Variants in PPM1E observed in about 807,000 individuals in gnomAD.
PPM1E encodes the protein protein phosphatase, Mg2+/Mn2+ dependent 1E.
PPM1E carries 20 observed loss-of-function variants against 65.9 expected under a neutral mutation model. The ratio of observed to expected loss-of-function variants is 0.30; its 90% CI spans 0.21 to 0.44. PPM1E has a LOEUF of 0.44. Ranked by LOEUF, PPM1E falls within the 20% of genes least tolerant of loss-of-function variation. The pLI is 1.00. For synonymous variants in PPM1E, 352 were observed against 374.9 expected, an observed-to-expected ratio of 0.94 and a Z score of 0.70; for missense variants, 713 against 953.1, an observed-to-expected ratio of 0.75 and a Z score of 3.32.
chr17:58,796,406 G>A (rs775173181), intron 1 of PPM1E, among the ~76,000 whole-genome samples: 3 of 152,000 alleles, frequency 2.0e-5, no homozygotes, highest in South Asian at 2.1e-4. Flanking sequence ...CAGTAGCTGC[G>A]ACTACAGGCA....
At chr17:58,811,818 G>A (rs980956998) in intron 1 of PPM1E, among the ~76,000 whole-genome samples, 1 of 151,938 alleles carries the variant, frequency 6.6e-6, no homozygotes, top group Non-Finnish European at 1.5e-5. Context: ...CTATAGGCGT[G>A]TGCCACCATG....
At chr17:58,901,882 A>G (rs1365380632) in intron 1 of PPM1E, among the ~76,000 whole-genome samples, 1 of 151,554 alleles carries the variant, frequency 6.6e-6, no homozygotes, top group African/African-American at 2.4e-5. Context: ...AGGCTGAGGC[A>G]TGAGAATTGC....
Position 58,955,659 on chromosome 17 carries a change from T to C in PPM1E, c.475T>C (p.Ser159Pro), listed in dbSNP as rs2029870407. Residue 159 changes from serine to proline, a missense_variant, in exon 2 of 7, where the codon TCC (serine) becomes CCC (proline). By Grantham distance (74) the Ser-to-Pro change is moderately conservative. Around this residue, in one of 6 missense-constraint regions of PPM1E, gnomAD observed 84 missense variants for 113.9 expected, o/e 0.74. Coordinates refer to ENST00000308249, the MANE Select transcript of PPM1E (RefSeq NM_014906.5). ...LQQLYKYNCPSFLAAALARAT... is the reference protein window; with the variant it reads ...LQQLYKYNCPPFLAAALARAT... ...TCTTTTTTCTTGCAGTAATTGCCCTTCCTTTTTGGCTGCTGCTTTAGCCAG... is the reference window on the plus strand; with the variant it reads ...TCTTTTTTCTTGCAGTAATTGCCCTCCCTTTTTGGCTGCTGCTTTAGCCAG... 2 of 1,613,496 alleles carry C rather than the reference T, an allele frequency of 1.2e-6. No individual in the cohort carries two copies. The highest frequency in any genetic ancestry group is 4.5e-5 in the East Asian group (2 of 44,866).
chr17:58,936,720 TAAC>T (rs984436784), intron 1 of PPM1E, among the ~76,000 whole-genome samples: 1 of 152,184 alleles, frequency 6.6e-6, no homozygotes, highest in African/African-American at 2.4e-5. Context: ...TGGAATATAC[TAAC>T]AAGTCAATAC....
At chr17:58,870,400 T>G (rs951263206) in intron 1 of PPM1E, among the ~76,000 whole-genome samples, 3 of 152,168 alleles carry the variant, frequency 2.0e-5, no homozygotes, top group Non-Finnish European at 4.4e-5. Flanking sequence ...GGGTATATTG[T>G]GTGATGCTGA....
At chr17:58,808,097 A>G (rs1036250752) in intron 1 of PPM1E, among the ~76,000 whole-genome samples, 1 of 152,218 alleles carries the variant, frequency 6.6e-6, no homozygotes, top group African/African-American at 2.4e-5. Context: ...CTGATTGTTA[A>G]TATCACATTT....
At chr17:58,792,680 T>C (rs1243030909) in intron 1 of PPM1E, among the ~76,000 whole-genome samples, 1 of 151,542 alleles carries the variant, frequency 6.6e-6, no homozygotes, top group Non-Finnish European at 1.5e-5. Context: ...TTCAACTCTT[T>C]CCTATGTAAC....
At position 58,812,115 on chromosome 17, in the gene PPM1E, A is replaced by AT. The variant is rs199612182; in HGVS notation, c.464+55664dup. Among the ~76,000 whole-genome samples the AT allele has an allele frequency of 4.3e-3, 641 of 148,876 alleles. 10 individuals carry two copies. Among genetic ancestry groups the AT allele is most frequent in the African/African-American group, 0.015 (591 of 40,616 alleles). Reference sequence around the variant, plus strand: ...CACAGGACAGATGTCTCAGAATTCCATTTTTTTTTTAATTCTCTAATAAGA... The same window carrying AT: ...CACAGGACAGATGTCTCAGAATTCCATTTTTTTTTTTAATTCTCTAATAAGA... On this transcript the variant is annotated intron_variant, in intron 1 of 6. Coordinates refer to ENST00000308249, the MANE Select transcript of PPM1E (RefSeq NM_014906.5).
intron 5 of PPM1E, 138 bp from the exon 6 acceptor site, chr17:58,972,694 C>A: frequency 1.3e-6 from 1 of 763,220 alleles, no homozygotes; most frequent in East Asian, 2.7e-5. Context: ...ACATCAGCAA[C>A]TGTGCCCACC....
At chr17:58,946,085 A>G (rs2052146645) in intron 1 of PPM1E, among the ~76,000 whole-genome samples, 1 of 152,202 alleles carries the variant, frequency 6.6e-6, no homozygotes. Context: ...CCCAGTTGCC[A>G]TCCTGAAGCT....
intron 1 of PPM1E, among the ~76,000 whole-genome samples, chr17:58,765,928 T>C (rs1233127031): frequency 4.7e-5 from 7 of 150,130 alleles, no homozygotes; most frequent in Admixed American, 6.7e-5. Flanking sequence ...TTGCCCAGGC[T>C]GGAGTGCAGT....
At chr17:58,958,949 C>G (rs988286351) in intron 2 of PPM1E, among the ~76,000 whole-genome samples, 2 of 152,092 alleles carry the variant, frequency 1.3e-5, no homozygotes, top group South Asian at 2.1e-4. Context: ...TAACATAACA[C>G]TGATACCAGA....
Position 58,816,768 on chromosome 17 carries a change from ATATATATATATATATATATATATATAT to A in PPM1E, c.464+60309_464+60335del, listed in dbSNP as rs1227570253. Among the ~76,000 whole-genome samples, 22 of 32,932 alleles carry A rather than the reference ATATATATATATATATATATATATATAT, an allele frequency of 6.7e-4. 1 individual carries two copies. Among genetic ancestry groups the A allele is most frequent in the African/African-American group, 2.8e-3 (19 of 6,742 alleles). 21.6% of individuals were successfully genotyped at this position (32,932 alleles called of 152,430 possible). A position where few individuals can be genotyped will look rare whatever the true frequency, so the allele number is the denominator to read the frequency against. ...TATATATATATATATATATATATAT[ATATATATATATATATATATATATATAT>A]TTTTTTTTTTTTTTTTTTGAGACAG... On this transcript the variant is annotated intron_variant, in intron 1 of 6. Coordinates refer to ENST00000308249, the MANE Select transcript of PPM1E (RefSeq NM_014906.5).
chr17:58,797,285 A>G (rs1195655039), intron 1 of PPM1E, among the ~76,000 whole-genome samples: 1 of 152,208 alleles, frequency 6.6e-6, no homozygotes, highest in African/African-American at 2.4e-5. Flanking sequence ...ATGAATTTTG[A>G]CAGATGCATG....
chr17:58,960,384 C>T (rs569682686), intron 2 of PPM1E, among the ~76,000 whole-genome samples: 1 of 152,260 alleles, frequency 6.6e-6, no homozygotes, highest in East Asian at 1.9e-4. Context: ...ATGGGGTTGT[C>T]TAACTGGCTA....
Position 58,756,447 on chromosome 17 carries a change from G to T in PPM1E, c.450G>T (p.Gln150His). 7.6e-7 allele frequency: 1 copy of T among 1,320,946 alleles called. No homozygotes were observed. 81.8% of individuals were successfully genotyped at this position (1,320,946 alleles called of 1,614,324 possible). Reference sequence around the variant, plus strand: ...GCGAAAGCCTGGACCTGTGCCTGCAGCAGCTCTACAAATAGTTAAGTAGCT... The same window carrying T: ...GCGAAAGCCTGGACCTGTGCCTGCATCAGCTCTACAAATAGTTAAGTAGCT... ...VEGESLDLCLQQLYKYNCPSF... is the reference protein window; with the variant it reads ...VEGESLDLCLHQLYKYNCPSF... The change falls in exon 1 of 7, where the codon CAG (glutamine) becomes CAT (histidine). Residue 150 changes from glutamine (Q) to histidine (H), a missense_variant. Around this residue, in one of 6 missense-constraint regions of PPM1E, gnomAD observed 84 missense variants for 113.9 expected, o/e 0.74. Transcript: ENST00000308249.
At chr17:58,805,985 C>CAAA (rs1217000216) in intron 1 of PPM1E, among the ~76,000 whole-genome samples, 7 of 77,478 alleles carry the variant, frequency 9.0e-5, no homozygotes, top group Admixed American at 1.4e-4. Flanking sequence ...AAAAAAAAAA[C>CAAA]AAAACAAAAC....
At chr17:58,897,444 T>C (rs2143455127) in intron 1 of PPM1E, among the ~76,000 whole-genome samples, 2 of 151,722 alleles carry the variant, frequency 1.3e-5, no homozygotes, top group Middle Eastern at 6.8e-3. Flanking sequence ...AAAATGCTAC[T>C]GCCAATTGGT....
intron 1 of PPM1E, among the ~76,000 whole-genome samples, chr17:58,838,748 T>C (rs539546251): frequency 9.2e-5 from 14 of 152,302 alleles, no homozygotes; most frequent in African/African-American, 3.4e-4. Flanking sequence ...GCAGCTTTAT[T>C]CATAACTGCC....
Sources: allele counts gnomAD v4.1 joint callset (sites outside exome capture counted in the v4.1 genomes callset), GRCh38; gene constraint gnomAD v4.1.1; regional missense constraint gnomAD v4.1.1; transcripts MANE v1.5; gene names NCBI Gene and HGNC (gene_info 2026-07-23, HGNC 2026-07-21).